USP24: variants seen among roughly 807,000 people sequenced by gnomAD.
The protein encoded by USP24 is ubiquitin carboxyl-terminal hydrolase 24.
In USP24, 97 loss-of-function variants were observed where a neutral mutation model predicts 361.6. The ratio of observed to expected loss-of-function variants is 0.27; its 90% CI spans 0.23 to 0.32. USP24 has a LOEUF of 0.32. USP24 is among the 10% of genes least tolerant of loss of function. USP24 has a pLI of 1.00. For missense variants in USP24, 2,353 were observed against 3,165.6 expected, an observed-to-expected ratio of 0.74 and a Z score of 6.16; for synonymous variants, 1,098 against 1,124.6, an observed-to-expected ratio of 0.98 and a Z score of 0.47.
At chr1:55,143,632 CTTT>C (rs200083233) in intron 21 of USP24, among the ~76,000 whole-genome samples, 1 of 145,450 alleles carries the variant, frequency 6.9e-6, no homozygotes, top group Admixed American at 6.9e-5. Flanking sequence ...GTTAATAAGC[CTTT>C]TTTTTTTTTA....
At chr1:55,129,258 G>C (rs536534353) in intron 32 of USP24, among the ~76,000 whole-genome samples, 1 of 152,040 alleles carries the variant, frequency 6.6e-6, no homozygotes, top group Non-Finnish European at 1.5e-5. Flanking sequence ...CACTACCAGA[G>C]GGGAAAGAGA....
At chr1:55,092,240 T>C (rs1208097394) in intron 53 of USP24, 114 bp from the exon 54 acceptor site, 1 of 582,564 alleles carries the variant, frequency 1.7e-6, no homozygotes. Flanking sequence ...TATACACACA[T>C]GATAAAGTTA....
At chr1:55,112,898 G>T (rs590358) in intron 38 of USP24, among the ~76,000 whole-genome samples, 149,954 of 152,282 alleles carry the variant, frequency 0.98, 73,867 homozygotes, top group East Asian at 1. Context: ...TGTGGGAGTC[G>T]AAGTCTCTTT....
At chr1:55,102,977 TCCTACCTAAC>T (rs1645675338) in intron 42 of USP24, among the ~76,000 whole-genome samples, 1 of 152,206 alleles carries the variant, frequency 6.6e-6, no homozygotes, top group African/African-American at 2.4e-5. Context: ...CCACTTCCTT[TCCTACCTAAC>T]CTCTATGTTC....
At chr1:55,110,150 A>G in intron 39 of USP24, 35 bp downstream of exon 39, 1 of 1,500,436 alleles carries the variant, frequency 6.7e-7, no homozygotes, top group Non-Finnish European at 9.0e-7. Context: ...ACTCTTCCCC[A>G]GCCCCTCTCC....
intron 39 of USP24, among the ~76,000 whole-genome samples, chr1:55,109,174 A>G (rs1034945624): frequency 1.3e-5 from 2 of 152,008 alleles, no homozygotes; most frequent in Non-Finnish European, 1.5e-5. Context: ...TTTTGGTTTC[A>G]CCATGTCGGC....
chr1:55,151,589 GTTTT>G (rs60258543), intron 16 of USP24, among the ~76,000 whole-genome samples: 1 of 151,112 alleles, frequency 6.6e-6, no homozygotes, highest in Admixed American at 6.6e-5. Flanking sequence ...GAAAAATGAG[GTTTT>G]TTTTTGGTTT....
intron 39 of USP24, among the ~76,000 whole-genome samples, chr1:55,109,467 G>C (rs2100546102): frequency 6.6e-6 from 1 of 152,282 alleles, no homozygotes; most frequent in Middle Eastern, 3.4e-3. Context: ...TCTTCTTACA[G>C]GGTATTTGAA....
chr1:55,084,725 G>A lies in USP24; in HGVS notation c.6766-837C>T, dbSNP rs535210577. ...GGCAAGAGGCACCATTTCCATTTAC[G>A]GGGGGAGGGGGGCAAATAGACATGA... On this transcript the variant is annotated intron_variant, in intron 56 of 67. Transcript: ENST00000294383. Among the ~76,000 whole-genome samples, 471 of 152,260 alleles carry A rather than the reference G, an allele frequency of 3.1e-3. 4 individuals are homozygous for A. The highest frequency in any genetic ancestry group is 0.011 in the African/African-American group (437 of 41,548).
chr1:55,101,516 T>C (rs1166563134), intron 43 of USP24, 68 bp downstream of exon 43: 4 of 1,542,862 alleles, frequency 2.6e-6, no homozygotes, highest in African/African-American at 2.8e-5. Context: ...AATAAAAAAC[T>C]ATGAAACAAT....
chr1:55,202,746 C>T (rs1019337959), intron 1 of USP24, among the ~76,000 whole-genome samples: 1 of 152,122 alleles, frequency 6.6e-6, no homozygotes. Context: ...ATATTCAATA[C>T]CATGAGCAAC....
rs574159262 is a variant in USP24, at chr1:55,167,106, T to C, written c.826-503A>G. ...GAACAGTGACTACGAAGAGATGTTG[T>C]ACCTGCTTTTATGAAGCTCATTCTA... is the stretch of plus-strand genomic sequence containing the variant. On this transcript the variant is annotated intron_variant, in intron 5 of 67. Transcript: ENST00000294383. 2.6e-5 allele frequency among the ~76,000 whole-genome samples: 4 copies of C among 152,280 alleles called. No individual in the cohort carries two copies. In the East Asian group the frequency reaches 7.7e-4, roughly 29 times the overall value.
At chr1:55,117,938 A>G (rs114743401) in intron 38 of USP24, among the ~76,000 whole-genome samples, 52 of 152,274 alleles carry the variant, frequency 3.4e-4, no homozygotes, top group African/African-American at 1.2e-3. Flanking sequence ...TTAAGGAAAC[A>G]AAAGACTTGT....
intron 26 of USP24, among the ~76,000 whole-genome samples, chr1:55,138,358 T>C (rs766082478): frequency 5.9e-5 from 9 of 152,162 alleles, no homozygotes; most frequent in Non-Finnish European, 1.3e-4. Context: ...TCCCATCTTA[T>C]CACCCTCCTC....
chr1:55,122,967 A>T (rs1646325944), intron 36 of USP24, among the ~76,000 whole-genome samples: 1 of 152,154 alleles, frequency 6.6e-6, no homozygotes, highest in African/African-American at 2.4e-5. Flanking sequence ...CACCAAGGGA[A>T]TGAATGGAGA....
At chr1:55,134,579 C>T (rs1427715318) in intron 28 of USP24, among the ~76,000 whole-genome samples, 166 bp from the exon 29 acceptor site, 1 of 152,206 alleles carries the variant, frequency 6.6e-6, no homozygotes, top group African/African-American at 2.4e-5. Context: ...CACATGGTAA[C>T]ATATTAGACG....
intron 21 of USP24, among the ~76,000 whole-genome samples, chr1:55,143,351 A>G (rs1481320662): frequency 6.6e-6 from 1 of 152,238 alleles, no homozygotes; most frequent in East Asian, 1.9e-4. Context: ...AGGTACAGAG[A>G]TATCTCTTCA....
rs545257315 is a variant in USP24, at chr1:55,161,871, A to G, written c.993+328T>C. On this transcript the variant is annotated intron_variant, in intron 8 of 67. Coordinates refer to ENST00000294383, the MANE Select transcript of USP24 (RefSeq NM_015306.3). ...TAAATACTAATCTGATTCAATACAT[A>G]ATGGCATTAAATCCTTAAATAATCC... is the stretch of plus-strand genomic sequence containing the variant. Among the ~76,000 whole-genome samples the G allele has an allele frequency of 1.6e-4, 24 of 152,302 alleles. 1 individual carries two copies. In the South Asian group the frequency reaches 5.0e-3, roughly 32 times the overall value.
At chr1:55,136,506 T>C (rs1646739706) in intron 28 of USP24, among the ~76,000 whole-genome samples, 1 of 152,114 alleles carries the variant, frequency 6.6e-6, no homozygotes, top group African/African-American at 2.4e-5. Context: ...TGAACTGGTC[T>C]AAGAGCAGAA....
Sources: allele counts gnomAD v4.1 joint callset (sites outside exome capture counted in the v4.1 genomes callset), GRCh38; gene constraint gnomAD v4.1.1; transcripts MANE v1.5; gene names NCBI Gene and HGNC (gene_info 2026-07-23, HGNC 2026-07-21).